Variants in FBXO25 observed in about 807,000 individuals in gnomAD.
FBXO25 encodes F-box protein 25, also known as F-box only protein 25.
In FBXO25, 45 loss-of-function variants were observed where a neutral mutation model predicts 51.9. The ratio of observed to expected loss-of-function variants is 0.87; its 90% CI spans 0.68 to 1.11. FBXO25 has a LOEUF of 1.11. Ranked by LOEUF, FBXO25 falls within the 50% of genes most tolerant of loss-of-function variation. The pLI is 0.00. For missense variants in FBXO25, 507 were observed against 428.5 expected (o/e 1.18, Z -1.62); for synonymous variants, 199 against 151.0 (o/e 1.32, Z -2.33).
chr8:469,827 C>A lies in FBXO25; in HGVS notation c.*1023C>A, dbSNP rs996653495. Reference sequence around the variant, plus strand: ...AAGGAGCCCAAGCAAATCATTTCTACTTTTTCCTTTAAGCATAATAATAAA... The same window carrying A: ...AAGGAGCCCAAGCAAATCATTTCTAATTTTTCCTTTAAGCATAATAATAAA... On this transcript the variant is annotated 3_prime_UTR_variant, in exon 10 of 10. Transcript: ENST00000350302. 4 of 152,078 alleles carry A rather than the reference C, an allele frequency of 2.6e-5. No homozygotes were observed. Among genetic ancestry groups the A allele is most frequent in the Admixed American group, 6.6e-5 (1 of 15,264 alleles). 9.4% of individuals were successfully genotyped at this position (152,078 alleles called of 1,614,324 possible). A position where few individuals can be genotyped will look rare whatever the true frequency, so the allele number is the denominator to read the frequency against.
At chr8:434,938 T>C (rs1295507432) in intron 4 of FBXO25, among the ~76,000 whole-genome samples, 1 of 152,196 alleles carries the variant, frequency 6.6e-6, no homozygotes, top group African/African-American at 2.4e-5. Context: ...TTTTTGGTGT[T>C]TTGGGTTCTT....
At chr8:464,156 T>C (rs1001038793) in intron 9 of FBXO25, among the ~76,000 whole-genome samples, 3 of 152,186 alleles carry the variant, frequency 2.0e-5, no homozygotes, top group Non-Finnish European at 4.4e-5. Context: ...TTCACCGTGT[T>C]ACCCATGGCT....
intron 7 of FBXO25, among the ~76,000 whole-genome samples, chr8:456,570 C>T (rs750208777): frequency 5.9e-5 from 9 of 152,132 alleles, no homozygotes; most frequent in Non-Finnish European, 1.2e-4. Flanking sequence ...CTGACATCTG[C>T]CCTATGCGTG....
chr8:416,664 G>T (rs545787493), intron 2 of FBXO25, among the ~76,000 whole-genome samples: 2 of 152,240 alleles, frequency 1.3e-5, no homozygotes, highest in African/African-American at 4.8e-5. Flanking sequence ...CTACTCCTTT[G>T]TTGGGTAGAT....
rs2116727696 is a variant in FBXO25 at position 451,349 on chromosome 8, G to A, written c.556G>A (p.Gly186Arg). 1 of 1,613,978 alleles carries A rather than the reference G, an allele frequency of 6.2e-7. No homozygotes were observed. The highest frequency in any genetic ancestry group is 2.2e-5 in the East Asian group (1 of 44,862). Residue 186 changes from glycine (G) to arginine (R), a missense_variant, in exon 7 of 10, where the codon GGA (glycine) becomes AGA (arginine). Coordinates refer to ENST00000350302, the MANE Select transcript of FBXO25 (RefSeq NM_183420.2). ...LSSTLCILIR[G>R]VGKSVLVGNI... ...CTCTACCCTCTGCATTCTTATTAGA[G>A]GAGTAGGGAAGTCTGTATTAGTGGG...
At chr8:431,803 T>C (rs961744872) in intron 3 of FBXO25, among the ~76,000 whole-genome samples, 30 of 152,172 alleles carry the variant, frequency 2.0e-4, no homozygotes, top group Admixed American at 6.5e-4. Context: ...CATTCAGAGC[T>C]GGAGTTTAGG....
chr8:447,403 G>T lies in FBXO25; in HGVS notation c.382-2587G>T, dbSNP rs143317754. 7.5e-4 allele frequency among the ~76,000 whole-genome samples: 114 copies of T among 152,210 alleles called. 1 individual carries two copies. Among genetic ancestry groups the T allele is most frequent in the Non-Finnish European group, 1.3e-3 (86 of 68,024 alleles). On this transcript the variant is annotated intron_variant, in intron 5 of 9. Coordinates refer to ENST00000350302, the MANE Select transcript of FBXO25 (RefSeq NM_183420.2). Reference sequence around the variant, plus strand: ...CCTGTTAGAGAAGGTGACCGTCACCGCATGGATATTCTCTAAGGAAATTGT... The same window carrying T: ...CCTGTTAGAGAAGGTGACCGTCACCTCATGGATATTCTCTAAGGAAATTGT...
At chr8:434,667 C>G (rs927413492) in intron 4 of FBXO25, among the ~76,000 whole-genome samples, 1 of 152,034 alleles carries the variant, frequency 6.6e-6, no homozygotes, top group Non-Finnish European at 1.5e-5. Flanking sequence ...CTCATGTTTT[C>G]TATTATTTTT....
chr8:418,264 A>G (rs1041675035), intron 2 of FBXO25, among the ~76,000 whole-genome samples: 29 of 152,012 alleles, frequency 1.9e-4, no homozygotes, highest in African/African-American at 6.8e-4. Flanking sequence ...TTTGGTGGGC[A>G]AAAAACATTA....
intron 2 of FBXO25, among the ~76,000 whole-genome samples, chr8:425,463 A>G (rs1267792016): frequency 2.0e-5 from 3 of 150,858 alleles, no homozygotes; most frequent in Non-Finnish European, 4.4e-5. Flanking sequence ...TTATCTTGAG[A>G]GCCAGCTTTT....
intron 8 of FBXO25, among the ~76,000 whole-genome samples, chr8:461,306 G>A (rs79023486): frequency 0.026 from 3,959 of 152,206 alleles, 72 homozygotes; most frequent in Middle Eastern, 0.058. Context: ...AGACATACCC[G>A]AGACTGGGTA....
intron 2 of FBXO25, among the ~76,000 whole-genome samples, chr8:425,022 T>C (rs111494883): frequency 6.6e-6 from 1 of 152,326 alleles, no homozygotes; most frequent in East Asian, 1.9e-4. Context: ...TTTATAAAGT[T>C]GCCTGTAATG....
chr8:451,160 GTTGT>G, intron 6 of FBXO25, 105 bp from the exon 7 acceptor site: 3 of 852,656 alleles, frequency 3.5e-6, no homozygotes, highest in Non-Finnish European at 5.3e-6. Flanking sequence ...TAGATCACAC[GTTGT>G]TTGTCTGTTC....
intron 2 of FBXO25, among the ~76,000 whole-genome samples, chr8:415,747 C>G (rs1176371133): frequency 6.6e-6 from 1 of 152,170 alleles, no homozygotes; most frequent in African/African-American, 2.4e-5. Context: ...TGGGTCTTCT[C>G]TCCAGCGTAG....
chr8:456,951 G>A (rs1470220318), intron 7 of FBXO25, among the ~76,000 whole-genome samples: 1 of 152,212 alleles, frequency 6.6e-6, no homozygotes, highest in Non-Finnish European at 1.5e-5. Flanking sequence ...CTCCACAGAG[G>A]TCAGGTGATT....
In FBXO25 at chr8:476,794, T is replaced by A. The variant is rs1287713352; in HGVS notation, c.*7990T>A. 1 of 150,794 alleles carries A rather than the reference T, an allele frequency of 6.6e-6. No homozygotes were observed. The highest frequency in any genetic ancestry group is 6.6e-5 in the Admixed American group (1 of 15,180). 9.3% of individuals were successfully genotyped at this position (150,794 alleles called of 1,614,324 possible). A position where few individuals can be genotyped will look rare whatever the true frequency, so the allele number is the denominator to read the frequency against. On this transcript the variant is annotated 3_prime_UTR_variant, in exon 10 of 10. Coordinates refer to ENST00000350302, the MANE Select transcript of FBXO25 (RefSeq NM_183420.2). ...TCTATTGCTTTTCTGTTCTCTATTT[T>A]GTCTCTGCTCTAATCTTTATTATTA...
chr8:440,606 A>T (rs7003914), intron 5 of FBXO25, among the ~76,000 whole-genome samples: 2,651 of 149,820 alleles, frequency 0.018, no homozygotes, highest in African/African-American at 0.05. Context: ...TTTAAATTAT[A>T]CTTTAAGTTC....
Position 473,074 on chromosome 8 carries a change from C to T in FBXO25, c.*4270C>T, listed in dbSNP as rs1800533425. 1 of 152,488 alleles carries T rather than the reference C, an allele frequency of 6.6e-6. No individual in the cohort carries two copies. Among genetic ancestry groups the T allele is most frequent in the Non-Finnish European group, 1.5e-5 (1 of 68,238 alleles). 9.4% of individuals were successfully genotyped at this position (152,488 alleles called of 1,614,324 possible). A position where few individuals can be genotyped will look rare whatever the true frequency, so the allele number is the denominator to read the frequency against. On this transcript the variant is annotated 3_prime_UTR_variant, in exon 10 of 10. Transcript: ENST00000350302. Reference sequence around the variant, plus strand: ...TGGGGCCCTCTATGGCTGACACCAGCATCCACCCTGCACTCATATGTATCT... The same window carrying T: ...TGGGGCCCTCTATGGCTGACACCAGTATCCACCCTGCACTCATATGTATCT...
chr8:454,095 G>C (rs1441942735), intron 7 of FBXO25, among the ~76,000 whole-genome samples: 1 of 152,146 alleles, frequency 6.6e-6, no homozygotes, highest in Non-Finnish European at 1.5e-5. Flanking sequence ...TTGCACTCCA[G>C]CGTGGGCGAC....
Sources: gnomAD v4.1 joint callset for allele counts (sites outside exome capture counted in the v4.1 genomes callset) on GRCh38, gnomAD v4.1.1 for gene constraint, MANE v1.5 for transcripts, NCBI Gene and HGNC (gene_info 2026-07-23, HGNC 2026-07-21) for gene names.